The following MED13L variants were observed in gnomAD, a reference collection of about 807,000 sequenced individuals.
MED13L encodes mediator complex subunit 13L.
Under a neutral mutation model 220.9 loss-of-function variants are expected in MED13L, and 7 were observed. That is an observed-to-expected ratio of 0.03 (90% CI 0.02 to 0.06). The LOEUF (loss-of-function observed/expected upper bound fraction) is 0.06. Among genes scored for constraint, MED13L ranks in the 10% least tolerant of loss-of-function variants. The pLI is 1.00. For missense variants in MED13L, 1,965 were observed against 2,760.5 expected (o/e 0.71, Z 6.46); for synonymous variants, 1,011 against 1,015.2 (o/e 1.00, Z 0.08).
rs550017974 is a variant in MED13L, at chr12:116,246,155, C to T, written c.73-8450G>A. Among the ~76,000 whole-genome samples, 8 of 150,988 alleles carry T rather than the reference C, an allele frequency of 5.3e-5. No homozygotes were observed. The East Asian group carries it at 1.2e-3, about 22-fold the overall frequency. On this transcript the variant is annotated intron_variant, in intron 1 of 30. Transcript: ENST00000281928. ...CAAACTAAATATTAAATGGCTATGC[C>T]AGCCTAAACTTTCTATCAAATATGT...
chr12:115,988,220 T>G (rs1877830457), intron 17 of MED13L, among the ~76,000 whole-genome samples: 1 of 152,202 alleles, frequency 6.6e-6, no homozygotes, highest in South Asian at 2.1e-4. Context: ...CTTAAGACAT[T>G]TTCAAACGTG....
intron 1 of MED13L, among the ~76,000 whole-genome samples, chr12:116,253,196 A>T (rs1430427521): frequency 5.3e-5 from 3 of 56,134 alleles, no homozygotes; most frequent in African/African-American, 1.5e-4. Context: ...TGGGTGGGGG[A>T]GGGGGGCGGA....
chr12:116,086,209 C>G (rs1458562050), intron 4 of MED13L, among the ~76,000 whole-genome samples: 1 of 151,782 alleles, frequency 6.6e-6, no homozygotes, highest in Admixed American at 6.6e-5. Flanking sequence ...ACAGACCTAA[C>G]ATTCTATCAA....
At chr12:116,131,804 C>A (rs535694674) in intron 2 of MED13L, among the ~76,000 whole-genome samples, 12 of 152,156 alleles carry the variant, frequency 7.9e-5, no homozygotes, top group Non-Finnish European at 1.2e-4. Flanking sequence ...CATGGCAAAA[C>A]CTTATCTCTA....
At chr12:115,963,110 T>G (rs944741630) in intron 30 of MED13L, among the ~76,000 whole-genome samples, 1 of 152,172 alleles carries the variant, frequency 6.6e-6, no homozygotes, top group African/African-American at 2.4e-5. Flanking sequence ...GACACTGTCT[T>G]CTAACTATCC....
At chr12:116,276,453 C>T (rs775452082) in intron 1 of MED13L, 2 of 1,288,876 alleles carry the variant, frequency 1.6e-6, no homozygotes, top group South Asian at 2.5e-5. Context: ...GGTGCAATGG[C>T]TTTACGGCTC....
Position 116,101,062 on chromosome 12 carries a change from A to C in MED13L, c.396-4310T>G, listed in dbSNP as rs189848794. ...CCTTGGCTCTGAATTTCCATATTAA[A>C]TACTACCACTAATGTCTATTAACCC... On this transcript the variant is annotated intron_variant, in intron 3 of 30. Transcript: ENST00000281928. 1.1e-3 allele frequency among the ~76,000 whole-genome samples: 168 copies of C among 152,318 alleles called. 2 individuals carry two copies. Among genetic ancestry groups the C allele is most frequent in the Non-Finnish European group, 5.9e-5 (4 of 68,030 alleles).
At chr12:116,104,668 G>T (rs1457016319) in intron 3 of MED13L, among the ~76,000 whole-genome samples, 1 of 152,178 alleles carries the variant, frequency 6.6e-6, no homozygotes. Flanking sequence ...GTATGGACAT[G>T]ATTAAGCATA....
chr12:116,273,203 C>T (rs1873533763), intron 1 of MED13L, among the ~76,000 whole-genome samples: 1 of 152,076 alleles, frequency 6.6e-6, no homozygotes, highest in African/African-American at 2.4e-5. Context: ...ATTCCGGAGG[C>T]TGAGGGAGGA....
chr12:116,247,118 GGTGA>G (rs975400892), intron 1 of MED13L, among the ~76,000 whole-genome samples: 2 of 151,930 alleles, frequency 1.3e-5, no homozygotes, highest in Non-Finnish European at 2.9e-5. Context: ...AACAAAAGAG[GGTGA>G]GTGTTTGCTT....
In MED13L at chr12:116,253,764, T is replaced by G. The variant is rs1027170299; in HGVS notation, c.73-16059A>C. 1.7e-4 allele frequency among the ~76,000 whole-genome samples: 24 copies of G among 138,758 alleles called. No individual in the cohort carries two copies. In the East Asian group the frequency reaches 3.0e-3, roughly 17 times the overall value. The allele number at this position is 138,758 out of a possible 152,430, so 91.0% of individuals were successfully genotyped here. A position where few individuals can be genotyped will look rare whatever the true frequency, so the allele number is the denominator to read the frequency against. On this transcript the variant is annotated intron_variant, in intron 1 of 30. Transcript: ENST00000281928. ...TCACGGTTTTTTTTGTTTTTTTTTT[T>G]TTTTTTTTTTTTTTTGAGACAGTCT...
intron 2 of MED13L, among the ~76,000 whole-genome samples, chr12:116,155,908 T>C (rs1565903922): frequency 6.6e-6 from 1 of 152,144 alleles, no homozygotes; most frequent in South Asian, 2.1e-4. Flanking sequence ...CCAGTATGTA[T>C]TTTCATATTA....
rs1026224440 is a variant in MED13L at position 116,019,701 on chromosome 12, G to A, written c.820+77C>T. On this transcript the variant is annotated intron_variant, in intron 6 of 30. Transcript: ENST00000281928. ...GATGGGTATGGAGATTATTTCTGAAGAATCTAAATGATTATCTTTTTAAAT... is the reference window on the plus strand; with the variant it reads ...GATGGGTATGGAGATTATTTCTGAAAAATCTAAATGATTATCTTTTTAAAT... The A allele has an allele frequency of 6.8e-6, 10 of 1,471,794 alleles. No homozygotes were observed. The African/African-American group carries it at 1.3e-4, about 18-fold the overall frequency. 91.2% of individuals were successfully genotyped at this position (1,471,794 alleles called of 1,614,324 possible).
At chr12:116,096,065 A>G (rs1159535111) in intron 4 of MED13L, among the ~76,000 whole-genome samples, 2 of 152,050 alleles carry the variant, frequency 1.3e-5, no homozygotes, top group East Asian at 3.9e-4. Context: ...TAAAAAATCA[A>G]TGATGAGGCC....
At chr12:116,210,554 T>C (rs1187477164) in intron 2 of MED13L, among the ~76,000 whole-genome samples, 1 of 26,956 alleles carries the variant, frequency 3.7e-5, no homozygotes, top group South Asian at 9.4e-4. Flanking sequence ...ACGTAACCTA[T>C]ATATATATAT....
At chr12:116,216,138 C>T (rs141242579) in intron 2 of MED13L, among the ~76,000 whole-genome samples, 2 of 152,260 alleles carry the variant, frequency 1.3e-5, no homozygotes, top group East Asian at 3.9e-4. Flanking sequence ...TATCTTTCCT[C>T]TCTTCTGCCC....
rs1323971054 is a variant in MED13L at position 116,276,337 on chromosome 12, TGTGTGTGTGTGTGTGC to T, written c.72+707_72+722del. 301 of 581,342 alleles carry T rather than the reference TGTGTGTGTGTGTGTGC, an allele frequency of 5.2e-4. 2 individuals are homozygous for T. Among genetic ancestry groups the T allele is most frequent in the African/African-American group, 4.8e-3 (255 of 52,626 alleles). The allele number at this position is 581,342 out of a possible 1,614,324, so 36.0% of individuals were successfully genotyped here. A position where few individuals can be genotyped will look rare whatever the true frequency, so the allele number is the denominator to read the frequency against. On this transcript the variant is annotated intron_variant, in intron 1 of 30. Coordinates refer to ENST00000281928, the MANE Select transcript of MED13L (RefSeq NM_015335.5). ...GTGTGTGTGTGTGTGTGTGTGTGTGTGTGTGTGTGTGTGTGCGGATTCGTTGTTAGGATAGAGAAAA... is the reference window on the plus strand; with the variant it reads ...GTGTGTGTGTGTGTGTGTGTGTGTGTGGATTCGTTGTTAGGATAGAGAAAA...
intron 17 of MED13L, among the ~76,000 whole-genome samples, chr12:115,988,676 AC>A (rs1440077589): frequency 6.6e-6 from 1 of 152,240 alleles, no homozygotes; most frequent in Non-Finnish European, 1.5e-5. Context: ...AGCTTAAGGC[AC>A]TGCCTTTTGC....
At chr12:116,021,939 A>T (rs1880085242) in intron 5 of MED13L, among the ~76,000 whole-genome samples, 2 of 152,190 alleles carry the variant, frequency 1.3e-5, no homozygotes, top group Admixed American at 1.3e-4. Context: ...TTACAGCTAA[A>T]TACCTATTAC....
Sources: allele counts gnomAD v4.1 joint callset (sites outside exome capture counted in the v4.1 genomes callset), GRCh38; gene constraint gnomAD v4.1.1; transcripts MANE v1.5; gene names NCBI Gene and HGNC (gene_info 2026-07-23, HGNC 2026-07-21).